Variants in SCP2 observed in about 807,000 individuals in gnomAD.
The protein encoded by SCP2 is SCP-2/3-oxoacyl-CoA thiolase.
SCP2 carries 48 observed loss-of-function variants against 71.4 expected under a neutral mutation model. That is an observed-to-expected ratio of 0.67 (90% CI 0.53 to 0.86). The LOEUF is 0.86. SCP2 is among the 40% of genes least tolerant of loss of function. SCP2 has a pLI of 0.00. For missense variants in SCP2, 560 were observed against 655.6 expected, an observed-to-expected ratio of 0.85 and a Z score of 1.59; for synonymous variants, 220 against 218.1, an observed-to-expected ratio of 1.01 and a Z score of -0.08.
chr1:52,989,975 T>A (rs902484239), intron 11 of SCP2, among the ~76,000 whole-genome samples: 1 of 152,090 alleles, frequency 6.6e-6, no homozygotes, highest in Admixed American at 6.6e-5. Flanking sequence ...AAGGCTAAGG[T>A]AGAATTGTAA....
intron 1 of SCP2, among the ~76,000 whole-genome samples, chr1:52,938,183 A>C (rs1653903462): frequency 6.6e-6 from 1 of 152,210 alleles, no homozygotes; most frequent in Admixed American, 6.5e-5. Flanking sequence ...TTTTTTGATC[A>C]GCAGGGTGAT....
rs941506414 is a variant in SCP2, at chr1:52,978,296, G to T, written c.754G>T (p.Val252Leu). 6.2e-7 allele frequency: 1 copy of T among 1,613,998 alleles called. No individual in the cohort carries two copies. The highest frequency in any genetic ancestry group is 1.3e-5 in the African/African-American group (1 of 74,924). Reference sequence around the variant, plus strand: ...GAAGTATGGCCTGCAATCCAAAGCTGTGGAAATTTTGGCACAAGAAATGAT... The same window carrying T: ...GAAGTATGGCCTGCAATCCAAAGCTTTGGAAATTTTGGCACAAGAAATGAT... The part of the protein sequence containing the change: ...VQKYGLQSKA[V>L]EILAQEMMTD... The change falls in exon 9 of 16, where the codon GTG becomes TTG. Residue 252 changes from valine (V) to leucine (L), a missense_variant. Around this residue, in one of 3 missense-constraint regions of SCP2, gnomAD observed 513 missense variants for 573.1 expected, o/e 0.90. Coordinates refer to ENST00000371514, the MANE Select transcript of SCP2 (RefSeq NM_002979.5).
intron 12 of SCP2, among the ~76,000 whole-genome samples, chr1:53,022,685 G>C (rs1339154759): frequency 6.6e-6 from 1 of 152,154 alleles, no homozygotes; most frequent in Non-Finnish European, 1.5e-5. Context: ...TCTGTTTATA[G>C]ATGAGATTGA....
At chr1:53,038,038 G>A (rs1462435960) in intron 13 of SCP2, among the ~76,000 whole-genome samples, 2 of 150,720 alleles carry the variant, frequency 1.3e-5, no homozygotes, top group Non-Finnish European at 2.9e-5. Context: ...CAACTACTTG[G>A]GGGAGGCTGA....
intron 6 of SCP2, among the ~76,000 whole-genome samples, chr1:52,972,446 A>T (rs1657581133): frequency 6.6e-6 from 1 of 152,208 alleles, no homozygotes; most frequent in Non-Finnish European, 1.5e-5. Context: ...GGAAGAAAAG[A>T]TACGAACATT....
intron 4 of SCP2, among the ~76,000 whole-genome samples, chr1:52,951,115 C>G (rs1655255038): frequency 6.6e-6 from 1 of 151,924 alleles, no homozygotes; most frequent in African/African-American, 2.4e-5. Flanking sequence ...AACCCCGTCT[C>G]TACAAAAAAT....
intron 11 of SCP2, among the ~76,000 whole-genome samples, chr1:53,005,271 A>T (rs952207159): frequency 1.3e-5 from 2 of 152,178 alleles, no homozygotes; most frequent in African/African-American, 4.8e-5. Flanking sequence ...CTTTGAAGAG[A>T]GTAATGGTTC....
At chr1:52,965,748 C>T (rs1656896010) in intron 6 of SCP2, among the ~76,000 whole-genome samples, 1 of 152,042 alleles carries the variant, frequency 6.6e-6, no homozygotes, top group Admixed American at 6.6e-5. Context: ...GATTCTCCTG[C>T]CTCAGCCTCC....
In SCP2 at chr1:53,035,595, C is replaced by CAA. The variant is rs201851805; in HGVS notation, c.1339-3322_1339-3321insAA. Among the ~76,000 whole-genome samples the CAA allele has an allele frequency of 2.7e-3, 407 of 151,432 alleles. 2 individuals carry two copies. The highest frequency in any genetic ancestry group is 9.0e-3 in the African/African-American group (370 of 41,236). Reference sequence around the variant, plus strand: ...AAAGTACATATAAAGGAAAATGTGTCCAAAAAAAAATCCAAAATAGCCAAG... The same window carrying CAA: ...AAAGTACATATAAAGGAAAATGTGTCAACAAAAAAAAATCCAAAATAGCCAAG... On this transcript the variant is annotated intron_variant, in intron 13 of 15. Coordinates refer to ENST00000371514, the MANE Select transcript of SCP2 (RefSeq NM_002979.5).
intron 11 of SCP2, among the ~76,000 whole-genome samples, chr1:53,009,082 C>A (rs2150220901): frequency 6.6e-6 from 1 of 152,188 alleles, no homozygotes; most frequent in Non-Finnish European, 1.5e-5. Context: ...ATGTGAAGGA[C>A]CCCTTCAAGG....
intron 11 of SCP2, among the ~76,000 whole-genome samples, chr1:53,000,632 A>G (rs942528839): frequency 6.6e-6 from 1 of 152,158 alleles, no homozygotes; most frequent in Non-Finnish European, 1.5e-5. Flanking sequence ...CTACTCATAG[A>G]CCAATTCGGA....
chr1:52,954,909 G>A (rs1655661868), intron 5 of SCP2, 105 bp downstream of exon 5: 7 of 857,222 alleles, frequency 8.2e-6, no homozygotes, highest in Middle Eastern at 2.6e-4. Context: ...GAATAGTGAA[G>A]AATCTTAGAG....
At chr1:52,980,363 G>T (rs765280932) in intron 9 of SCP2, 33 bp from the exon 10 acceptor site, 9 of 1,604,402 alleles carry the variant, frequency 5.6e-6, no homozygotes, top group Non-Finnish European at 4.3e-6. Context: ...CCCAGTTTTG[G>T]TGCCCTTTAT....
At chr1:52,964,214 C>CTT (rs200065864) in intron 6 of SCP2, among the ~76,000 whole-genome samples, 75 of 134,644 alleles carry the variant, frequency 5.6e-4, no homozygotes, top group African/African-American at 1.3e-3. Context: ...TCTTTTCTCT[C>CTT]TTTTTTTTTT....
intron 6 of SCP2, among the ~76,000 whole-genome samples, chr1:52,966,762 A>C (rs1657001471): frequency 6.6e-6 from 1 of 151,812 alleles, no homozygotes; most frequent in African/African-American, 2.4e-5. Flanking sequence ...GCATGGTGGC[A>C]TGCACCTGTA....
chr1:52,987,006 A>ATATATATATT (rs1386745740), intron 10 of SCP2, among the ~76,000 whole-genome samples: 1 of 110,506 alleles, frequency 9.0e-6, no homozygotes, highest in African/African-American at 4.0e-5. Context: ...ATATATATAT[A>ATATATATATT]TTTTTTTTTT....
chr1:52,927,422 C>A lies in SCP2; in HGVS notation c.26C>A (p.Ala9Glu). 1.2e-6 allele frequency: 2 copies of A among 1,600,562 alleles called. No homozygotes were observed. The highest frequency in any genetic ancestry group is 1.7e-6 in the Non-Finnish European group (2 of 1,174,540). Residue 9 changes from alanine to glutamate, a missense_variant, in exon 1 of 16, where the codon GCG (alanine) becomes GAG (glutamate). Around this residue, in one of 3 missense-constraint regions of SCP2, gnomAD observed 513 missense variants for 573.1 expected, o/e 0.90. Transcript: ENST00000371514. The stretch of plus-strand genomic sequence containing the variant: ...ATGTCCTCTTCCCCGTGGGAGCCTG[C>A]GACCCTGCGCCGGGTGTTCGTGGTG... MSSSPWEP[A>E]TLRRVFVVGV...
intron 5 of SCP2, among the ~76,000 whole-genome samples, chr1:52,956,080 G>T (rs1418594037): frequency 6.6e-6 from 1 of 152,144 alleles, no homozygotes; most frequent in Non-Finnish European, 1.5e-5. Flanking sequence ...GAGATGGGCG[G>T]ATCACTTGAG....
chr1:52,931,759 A>G (rs997388412), intron 1 of SCP2, among the ~76,000 whole-genome samples: 1 of 152,244 alleles, frequency 6.6e-6, no homozygotes, highest in South Asian at 2.1e-4. Context: ...ATCACCAGAT[A>G]TTCAAGGAAA....
Sources: allele counts gnomAD v4.1 joint callset (sites outside exome capture counted in the v4.1 genomes callset), GRCh38; gene constraint gnomAD v4.1.1; regional missense constraint gnomAD v4.1.1; transcripts MANE v1.5; gene names NCBI Gene and HGNC (gene_info 2026-07-23, HGNC 2026-07-21).